PTBP3: variants seen among roughly 807,000 people sequenced by gnomAD.
PTBP3 encodes the protein polypyrimidine tract binding protein 3, also known as polypyrimidine tract-binding protein 3.
PTBP3 carries 20 observed loss-of-function variants against 58.7 expected under a neutral mutation model. That is an observed-to-expected ratio of 0.34 (90% confidence interval 0.24 to 0.50). The LOEUF is 0.50. Among genes scored for constraint, PTBP3 ranks in the 20% least tolerant of loss-of-function variants. The probability of loss-of-function intolerance (pLI) is 0.98; values close to 1 mark genes in which losing one functional copy is unlikely to be tolerated. For synonymous variants in PTBP3, 185 were observed against 219.8 expected (o/e 0.84, Z 1.40); for missense variants, 509 against 637.2 (o/e 0.80, Z 2.17).
At chr9:112,372,786 T>C in the PTBP3 span, among the ~76,000 whole-genome samples, 1 of 152,234 alleles carries the variant, frequency 6.6e-6, no homozygotes, top group African/African-American at 2.4e-5. Context: ...TGAATGCATA[T>C]ACCATATTGT....
In PTBP3 at chr9:112,220,424, A is replaced by G; in HGVS notation, c.*3427T>C. The G allele has an allele frequency of 8.4e-7, 1 of 1,184,816 alleles. No homozygotes were observed. The allele number at this position is 1,184,816 out of a possible 1,614,324, so 73.4% of individuals were successfully genotyped here. A position where few individuals can be genotyped will look rare whatever the true frequency, so the allele number is the denominator to read the frequency against. On this transcript the variant is annotated 3_prime_UTR_variant, in exon 14 of 14. Transcript: ENST00000374257. The stretch of plus-strand genomic sequence containing the variant: ...AAAGAAATTGAGCAGAGGCATTCAT[A>G]GGAGCCACTTCTCATCAACTAAAAC...
chr9:112,379,841 G>GA, the PTBP3 span: 1 of 509,100 alleles, frequency 2.0e-6, no homozygotes, highest in Non-Finnish European at 3.5e-6. Context: ...CTGCCCAGAC[G>GA]CTAGGCGCCG....
chr9:112,304,721 T>C (rs1311796518), intron 1 of PTBP3, among the ~76,000 whole-genome samples: 1 of 152,188 alleles, frequency 6.6e-6, no homozygotes, highest in Non-Finnish European at 1.5e-5. Context: ...ATGCATCACT[T>C]TGCCTGGCTG....
At chr9:112,232,572 C>T (rs1307535387) in intron 8 of PTBP3, among the ~76,000 whole-genome samples, 1 of 152,160 alleles carries the variant, frequency 6.6e-6, no homozygotes, top group South Asian at 2.1e-4. Context: ...TCCTAACACC[C>T]TTCTATCAAG....
intron 2 of PTBP3, among the ~76,000 whole-genome samples, chr9:112,277,388 C>G (rs1474540765): frequency 6.6e-6 from 1 of 152,136 alleles, no homozygotes; most frequent in East Asian, 1.9e-4. Context: ...TTATCAATCA[C>G]CAAGAAATAC....
chr9:112,292,736 A>C (rs1334378739), intron 2 of PTBP3, among the ~76,000 whole-genome samples: 1 of 152,216 alleles, frequency 6.6e-6, no homozygotes, highest in Non-Finnish European at 1.5e-5. Flanking sequence ...AAACTCTTGG[A>C]AACAGAAAGC....
At chr9:112,255,142 G>A in intron 5 of PTBP3, among the ~76,000 whole-genome samples, 1 of 152,084 alleles carries the variant, frequency 6.6e-6, no homozygotes, top group Admixed American at 6.5e-5. Context: ...ACTTACATGA[G>A]GAACCTAAGG....
At chr9:112,294,589 A>C (rs1384318077) in intron 2 of PTBP3, among the ~76,000 whole-genome samples, 2 of 152,212 alleles carry the variant, frequency 1.3e-5, no homozygotes, top group African/African-American at 4.8e-5. Flanking sequence ...AGCCACCTCC[A>C]TTGCAATTAA....
intron 3 of PTBP3, among the ~76,000 whole-genome samples, chr9:112,269,267 G>A (rs1589845901): frequency 2.0e-5 from 3 of 151,222 alleles, no homozygotes; most frequent in Admixed American, 2.0e-4. Flanking sequence ...ATTTAATGGG[G>A]GCAATTAGGG....
At chr9:112,267,085 G>A (rs1836828803) in intron 4 of PTBP3, among the ~76,000 whole-genome samples, 2 of 151,888 alleles carry the variant, frequency 1.3e-5, no homozygotes, top group Admixed American at 1.3e-4. Context: ...CAAAATCAGA[G>A]AGCTGGAGGA....
chr9:112,282,350 G>A (rs1564431482), intron 2 of PTBP3, among the ~76,000 whole-genome samples: 1 of 151,856 alleles, frequency 6.6e-6, no homozygotes, highest in African/African-American at 2.4e-5. Flanking sequence ...TTTTTCTCTA[G>A]TTTTTTCTGT....
chr9:112,370,688 AG>A, the PTBP3 span, among the ~76,000 whole-genome samples: 1 of 152,194 alleles, frequency 6.6e-6, no homozygotes, highest in Non-Finnish European at 1.5e-5. Context: ...TAATTTTGAT[AG>A]GGATTGTATT....
intron 1 of PTBP3, among the ~76,000 whole-genome samples, chr9:112,307,564 A>G (rs2132365536): frequency 6.6e-6 from 1 of 152,362 alleles, no homozygotes; most frequent in African/African-American, 2.4e-5. Context: ...TGACACTTTT[A>G]AAAGCTGGTA....
chr9:112,285,839 G>A (rs1239517169), intron 2 of PTBP3, among the ~76,000 whole-genome samples: 1 of 152,182 alleles, frequency 6.6e-6, no homozygotes, highest in Non-Finnish European at 1.5e-5. Flanking sequence ...GTAAGAACTT[G>A]CCAACCCCTG....
chr9:112,338,988 T>C, the PTBP3 span, among the ~76,000 whole-genome samples: 1 of 152,154 alleles, frequency 6.6e-6, no homozygotes, highest in Non-Finnish European at 1.5e-5. Flanking sequence ...AAGGGGAGTA[T>C]TCCTCTCCCT....
the PTBP3 span, among the ~76,000 whole-genome samples, chr9:112,355,137 T>G: frequency 1.3e-5 from 2 of 152,168 alleles, no homozygotes; most frequent in Non-Finnish European, 2.9e-5. Flanking sequence ...AATGAATAAT[T>G]CAGACCTGAG....
At chr9:112,359,738 G>A in the PTBP3 span, among the ~76,000 whole-genome samples, 1 of 152,016 alleles carries the variant, frequency 6.6e-6, no homozygotes, top group African/African-American at 2.4e-5. Flanking sequence ...GGGAGGCGGA[G>A]GTTGCCGGGA....
chr9:112,303,607 T>A (rs1829042738), intron 1 of PTBP3, among the ~76,000 whole-genome samples: 1 of 152,228 alleles, frequency 6.6e-6, no homozygotes, highest in Admixed American at 6.5e-5. Context: ...GGCTCACGCC[T>A]GTAATCCCAG....
chr9:112,364,687 T>C, the PTBP3 span, among the ~76,000 whole-genome samples: 1 of 152,024 alleles, frequency 6.6e-6, no homozygotes, highest in African/African-American at 2.4e-5. Context: ...ATTAGGAAAA[T>C]ATGACAGAGA....
Sources: gnomAD v4.1 joint callset for allele counts (sites outside exome capture counted in the v4.1 genomes callset) on GRCh38, gnomAD v4.1.1 for gene constraint, MANE v1.5 for transcripts, NCBI Gene and HGNC (gene_info 2026-07-23, HGNC 2026-07-21) for gene names.